Variants in DAB1 observed in about 807,000 individuals in gnomAD.
The protein encoded by DAB1 is disabled homolog 1.
Under a neutral mutation model 64.6 loss-of-function variants are expected in DAB1, and 15 were observed. That is an observed-to-expected ratio of 0.23 (90% CI 0.16 to 0.36). DAB1 has a LOEUF of 0.36. DAB1 is among the 10% of genes least tolerant of loss of function. DAB1 has a pLI of 1.00. For synonymous variants in DAB1, 235 were observed against 251.9 expected (o/e 0.93, Z 0.64); for missense variants, 596 against 706.7 (o/e 0.84, Z 1.78).
At position 57,296,673 on chromosome 1, in the gene DAB1, A is replaced by C. The variant is rs187119358; in HGVS notation, c.-136-5507T>G. Among the ~76,000 whole-genome samples, 7 of 152,286 alleles carry C rather than the reference A, an allele frequency of 4.6e-5. No homozygotes were observed. In the East Asian group the frequency reaches 1.2e-3, roughly 25 times the overall value. On this transcript the variant is annotated intron_variant, in intron 1 of 14. Transcript: ENST00000371236. ...TAAGGATGGTAATAAATAATAAACC[A>C]TTGAAAAAATAGAAATCCACAAATC...
intron 7 of DAB1, among the ~76,000 whole-genome samples, chr1:57,641,865 T>G (rs1646134797): frequency 6.6e-6 from 1 of 152,130 alleles, no homozygotes; most frequent in Admixed American, 6.5e-5. Context: ...AACTTAGAGA[T>G]CACCTCCTCA....
chr1:58,178,448 TAATC>T (rs1483868029), intron 4 of DAB1, among the ~76,000 whole-genome samples: 8 of 152,156 alleles, frequency 5.3e-5, no homozygotes, highest in African/African-American at 1.9e-4. Context: ...TTTCCGGAAA[TAATC>T]AAGTTAAACT....
intron 7 of DAB1, among the ~76,000 whole-genome samples, chr1:57,628,537 A>C (rs2101625159): frequency 6.6e-6 from 1 of 152,248 alleles, no homozygotes; most frequent in South Asian, 2.1e-4. Flanking sequence ...AAAATACTTA[A>C]ATAAGTCCCA....
intron 3 of DAB1, among the ~76,000 whole-genome samples, chr1:58,466,173 C>T (rs1161876449): frequency 1.3e-5 from 2 of 152,106 alleles, no homozygotes; most frequent in Non-Finnish European, 2.9e-5. Flanking sequence ...AGGAAGGGCC[C>T]TTCCTGGAGA....
chr1:57,526,531 C>G (rs1644595571), intron 7 of DAB1, among the ~76,000 whole-genome samples: 1 of 152,172 alleles, frequency 6.6e-6, no homozygotes, highest in Non-Finnish European at 1.5e-5. Flanking sequence ...AACTAAGCAT[C>G]AGGATTCTGC....
intron 1 of DAB1, among the ~76,000 whole-genome samples, chr1:57,417,621 A>T (rs556867965): frequency 6.6e-6 from 1 of 152,298 alleles, no homozygotes; most frequent in South Asian, 2.1e-4. Flanking sequence ...ACCACATCTT[A>T]CTAAGAACAG....
At chr1:57,950,030 C>T (rs1400547475) in intron 5 of DAB1, among the ~76,000 whole-genome samples, 1 of 152,162 alleles carries the variant, frequency 6.6e-6, no homozygotes, top group Non-Finnish European at 1.5e-5. Context: ...TCACTCTGCT[C>T]TGTTAAACCT....
At chr1:57,685,135 G>A (rs1191943720) in intron 6 of DAB1, among the ~76,000 whole-genome samples, 1 of 151,492 alleles carries the variant, frequency 6.6e-6, no homozygotes, top group African/African-American at 2.4e-5. Flanking sequence ...TCTATTTTTA[G>A]TAGAGACGGG....
chr1:57,224,134 C>T (rs560690132), intron 2 of DAB1, among the ~76,000 whole-genome samples: 1 of 152,280 alleles, frequency 6.6e-6, no homozygotes, highest in South Asian at 2.1e-4. Context: ...CAGGCTTACT[C>T]ACAGGCTTAT....
At chr1:57,741,878 T>C (rs576956906) in intron 6 of DAB1, among the ~76,000 whole-genome samples, 37 of 152,282 alleles carry the variant, frequency 2.4e-4, no homozygotes, top group Non-Finnish European at 8.8e-5. Context: ...AATATACAAG[T>C]ATAACCTGTA....
chr1:58,290,493 C>T (rs1186602029), intron 4 of DAB1, among the ~76,000 whole-genome samples: 1 of 152,114 alleles, frequency 6.6e-6, no homozygotes, highest in Non-Finnish European at 1.5e-5. Flanking sequence ...GAGAAGTAGA[C>T]ATGAGGCATG....
chr1:57,308,408 G>C (rs567512428), intron 1 of DAB1, among the ~76,000 whole-genome samples: 33 of 152,148 alleles, frequency 2.2e-4, no homozygotes, highest in African/African-American at 7.5e-4. Context: ...AAAATCACAA[G>C]GCTGAAAAAA....
chr1:58,182,987 G>T (rs1302117943), intron 4 of DAB1, among the ~76,000 whole-genome samples: 1 of 151,758 alleles, frequency 6.6e-6, no homozygotes, highest in Admixed American at 6.6e-5. Context: ...TTGTTGTTTT[G>T]TTCAGTGACT....
Position 57,302,952 on chromosome 1 carries a change from G to A in DAB1, c.-136-11786C>T, listed in dbSNP as rs780833175. 6.2e-4 allele frequency among the ~76,000 whole-genome samples: 94 copies of A among 152,162 alleles called. 1 individual carries two copies. The highest frequency in any genetic ancestry group is 1.8e-4 in the Non-Finnish European group (12 of 68,030). On this transcript the variant is annotated intron_variant, in intron 1 of 14. Transcript: ENST00000371236. The stretch of plus-strand genomic sequence containing the variant: ...TGCAAAATGCGATGACTGAATACAT[G>A]CCACATCTAACTACAGTATTAAATG...
At position 58,218,602 on chromosome 1, in the gene DAB1, T is replaced by G. The variant is rs1363402620; in HGVS notation, n.310-68014A>C. On this transcript the variant is annotated intron_variant and non_coding_transcript_variant, in intron 4 of 20. Coordinates refer to the DAB1 transcript ENST00000485760. ...TGTCTCTGTGGGTACCTGCATCTGC[T>G]GGTCTCTCTGTCCTTGAATCTGAGA... is the stretch of plus-strand genomic sequence containing the variant. Among the ~76,000 whole-genome samples, 3 of 152,192 alleles carry G rather than the reference T, an allele frequency of 2.0e-5. No individual in the cohort carries two copies. The East Asian group carries it at 5.8e-4, about 29-fold the overall frequency.
At chr1:57,574,765 T>G (rs1025563650) in intron 7 of DAB1, among the ~76,000 whole-genome samples, 1 of 152,082 alleles carries the variant, frequency 6.6e-6, no homozygotes. Context: ...TTCTTCCTAT[T>G]GGGTAGTGCC....
At chr1:57,141,212 T>C (rs1294261827) in intron 3 of DAB1, among the ~76,000 whole-genome samples, 2 of 152,140 alleles carry the variant, frequency 1.3e-5, no homozygotes, top group African/African-American at 4.8e-5. Context: ...GGAATATAAG[T>C]ATCTTTCTCT....
intron 4 of DAB1, among the ~76,000 whole-genome samples, chr1:58,261,423 T>C (rs1661045435): frequency 6.6e-6 from 1 of 152,132 alleles, no homozygotes; most frequent in East Asian, 1.9e-4. Flanking sequence ...CCTTACCTGA[T>C]ACCTGCCAAG....
At chr1:57,423,551 G>C (rs761521681) in intron 1 of DAB1, among the ~76,000 whole-genome samples, 1 of 151,980 alleles carries the variant, frequency 6.6e-6, no homozygotes, top group African/African-American at 2.4e-5. Context: ...AGGCAGGCTC[G>C]AGGTCCGATA....
Sources: gnomAD v4.1 joint callset for allele counts (sites outside exome capture counted in the v4.1 genomes callset) on GRCh38, gnomAD v4.1.1 for gene constraint, MANE v1.5 for transcripts, NCBI Gene and HGNC (gene_info 2026-07-23, HGNC 2026-07-21) for gene names.